GALNTL6: variants seen among roughly 807,000 people sequenced by gnomAD.
The protein encoded by GALNTL6 is polypeptide N-acetylgalactosaminyltransferase like 6.
Under a neutral mutation model 73.7 loss-of-function variants are expected in GALNTL6, and 46 were observed. That is an observed-to-expected ratio of 0.62 (90% CI 0.49 to 0.80). The LOEUF (loss-of-function observed/expected upper bound fraction) is 0.80. GALNTL6 is among the 30% of genes least tolerant of loss of function. The pLI is 0.00. For missense variants in GALNTL6, 604 were observed against 755.0 expected, an observed-to-expected ratio of 0.80 and a Z score of 2.34; for synonymous variants, 259 against 263.7, an observed-to-expected ratio of 0.98 and a Z score of 0.17.
intron 5 of GALNTL6, among the ~76,000 whole-genome samples, chr4:172,685,305 T>C (rs1051947788): frequency 6.6e-6 from 1 of 152,220 alleles, no homozygotes; most frequent in Admixed American, 6.5e-5. Flanking sequence ...CATTTCTTCA[T>C]TCATTTTTCA....
chr4:172,245,898 CA>C (rs1171668388), intron 3 of GALNTL6, among the ~76,000 whole-genome samples: 2 of 152,118 alleles, frequency 1.3e-5, no homozygotes, highest in Non-Finnish European at 2.9e-5. Flanking sequence ...GCCTGAGTAG[CA>C]GTGGGTTTTG....
At chr4:172,597,037 TGC>T (rs1560827667) in intron 5 of GALNTL6, among the ~76,000 whole-genome samples, 1 of 152,172 alleles carries the variant, frequency 6.6e-6, no homozygotes, top group African/African-American at 2.4e-5. Flanking sequence ...CTTTTAACCT[TGC>T]ATGAAAACTC....
intron 5 of GALNTL6, among the ~76,000 whole-genome samples, chr4:172,524,836 T>G (rs1242581445): frequency 1.3e-5 from 2 of 152,200 alleles, no homozygotes; most frequent in Admixed American, 1.3e-4. Context: ...ATGGTTTTAT[T>G]TGTTCTTTTT....
At chr4:172,417,056 TA>T (rs1256648749) in intron 5 of GALNTL6, among the ~76,000 whole-genome samples, 1 of 152,158 alleles carries the variant, frequency 6.6e-6, no homozygotes, top group African/African-American at 2.4e-5. Flanking sequence ...AAACATTATA[TA>T]AATCCGACTT....
chr4:172,405,427 ATATATATATATATATATTTTTTTTTTT>A (rs1183871101), intron 5 of GALNTL6, among the ~76,000 whole-genome samples: 262 of 19,180 alleles, frequency 0.014, 6 homozygotes, highest in South Asian at 0.028. Context: ...ATATATATAT[ATATATATATATATATATTTTTTTTTTT>A]TTTTTTTTTT....
chr4:172,951,250 G>A (rs2653841), intron 9 of GALNTL6, among the ~76,000 whole-genome samples: 94,501 of 152,142 alleles, frequency 0.62, 30,262 homozygotes, highest in African/African-American at 0.79. Flanking sequence ...GCAGGTATGT[G>A]CTACTGTTGC....
intron 5 of GALNTL6, among the ~76,000 whole-genome samples, chr4:172,698,713 G>T (rs1733839851): frequency 6.6e-6 from 1 of 152,122 alleles, no homozygotes; most frequent in African/African-American, 2.4e-5. Context: ...CCACATGGTC[G>T]CTTGGAAGTC....
chr4:172,513,060 T>C (rs925860762), intron 5 of GALNTL6, among the ~76,000 whole-genome samples: 1 of 152,188 alleles, frequency 6.6e-6, no homozygotes, highest in African/African-American at 2.4e-5. Context: ...TCCAAACTTT[T>C]AGATGCATCT....
intron 5 of GALNTL6, among the ~76,000 whole-genome samples, chr4:172,515,984 A>G (rs915109088): frequency 2.6e-5 from 4 of 152,212 alleles, no homozygotes; most frequent in African/African-American, 4.8e-5. Context: ...CTCTATATGC[A>G]TATCTATCTT....
chr4:172,460,236 C>T (rs1272632184), intron 5 of GALNTL6, among the ~76,000 whole-genome samples: 1 of 152,138 alleles, frequency 6.6e-6, no homozygotes, highest in Non-Finnish European at 1.5e-5. Flanking sequence ...GGATTAAAGA[C>T]TTAAATGTAA....
intron 7 of GALNTL6, among the ~76,000 whole-genome samples, chr4:172,850,753 C>T (rs912083736): frequency 1.3e-5 from 2 of 152,120 alleles, no homozygotes; most frequent in Non-Finnish European, 2.9e-5. Context: ...TCCCATGACC[C>T]CTTTTACGGG....
intron 2 of GALNTL6, among the ~76,000 whole-genome samples, chr4:172,020,817 A>G (rs1262899913): frequency 1.3e-5 from 2 of 152,060 alleles, no homozygotes; most frequent in Non-Finnish European, 2.9e-5. Flanking sequence ...CAAGGCCTGT[A>G]TTACCCTGAT....
intron 5 of GALNTL6, among the ~76,000 whole-genome samples, chr4:172,416,693 A>G (rs1447327221): frequency 6.6e-6 from 1 of 152,164 alleles, no homozygotes; most frequent in African/African-American, 2.4e-5. Flanking sequence ...TTAATTTGGA[A>G]TGAACATTTT....
intron 5 of GALNTL6, among the ~76,000 whole-genome samples, chr4:172,467,892 CTTTT>C (rs1283264706): frequency 1.2e-5 from 1 of 83,362 alleles, no homozygotes. Flanking sequence ...TCTTTTCTTT[CTTTT>C]TTTTTTTTTT....
chr4:172,052,968 T>G (rs771639012), intron 2 of GALNTL6, among the ~76,000 whole-genome samples: 19 of 152,164 alleles, frequency 1.2e-4, no homozygotes, highest in Non-Finnish European at 2.5e-4. Flanking sequence ...GGTTGCTGCC[T>G]GAATGTCAGG....
At position 171,814,635 on chromosome 4, in the gene GALNTL6, T is replaced by C. The variant is rs1381837568; in HGVS notation, c.55T>C (p.Leu19=). 1.9e-6 allele frequency: 3 copies of C among 1,614,112 alleles called. No individual in the cohort carries two copies. The Admixed American group carries it at 5.0e-5, about 27-fold the overall frequency. Residue 19 remains leucine (L), a synonymous_variant, in exon 2 of 13, where the codon TTA becomes CTA. Coordinates refer to ENST00000506823, the MANE Select transcript of GALNTL6 (RefSeq NM_001034845.3). The part of the protein sequence containing the change: ...LQMTLLFTVA[L]IFLPNVGLWS... ...GATGACTTTGTTGTTCACGGTGGCT[T>C]TAATTTTCCTGCCTAACGTTGGTCT...
intron 5 of GALNTL6, among the ~76,000 whole-genome samples, chr4:172,441,077 C>G (rs1204230708): frequency 6.6e-6 from 1 of 152,018 alleles, no homozygotes; most frequent in East Asian, 1.9e-4. Context: ...AACATCTCTT[C>G]CAACCTAATT....
intron 5 of GALNTL6, among the ~76,000 whole-genome samples, chr4:172,381,525 T>C (rs1398974489): frequency 6.6e-6 from 1 of 152,222 alleles, no homozygotes; most frequent in Admixed American, 6.5e-5. Flanking sequence ...TAATTAAATA[T>C]GTAGTCATCT....
At chr4:172,914,491 A>G (rs1193903834) in intron 8 of GALNTL6, among the ~76,000 whole-genome samples, 1 of 152,234 alleles carries the variant, frequency 6.6e-6, no homozygotes, top group Non-Finnish European at 1.5e-5. Context: ...AGTGTGCTGT[A>G]TTCAGGAAAC....
Sources: allele counts gnomAD v4.1 joint callset (sites outside exome capture counted in the v4.1 genomes callset), GRCh38; gene constraint gnomAD v4.1.1; transcripts MANE v1.5; gene names NCBI Gene and HGNC (gene_info 2026-07-23, HGNC 2026-07-21).